The following TMEM94 variants were observed in gnomAD, a reference collection of about 807,000 sequenced individuals.
TMEM94 encodes transmembrane protein 94.
TMEM94 carries 81 observed loss-of-function variants against 158.6 expected under a neutral mutation model. The ratio of observed to expected loss-of-function variants is 0.51; its 90% CI spans 0.43 to 0.61. The LOEUF (loss-of-function observed/expected upper bound fraction) is 0.61, where lower values mean the gene tolerates loss of function less well. Among genes scored for constraint, TMEM94 ranks in the 20% least tolerant of loss-of-function variants. TMEM94 has a pLI of 0.00. For synonymous variants in TMEM94, 751 were observed against 730.7 expected (o/e 1.03, Z -0.45); for missense variants, 1,435 against 1,762.0 (o/e 0.81, Z 3.32).
At chr17:75,459,092 A>C (rs2049987547) in intron 1 of TMEM94, among the ~76,000 whole-genome samples, 1 of 149,168 alleles carries the variant, frequency 6.7e-6, no homozygotes, top group Non-Finnish European at 1.5e-5. Flanking sequence ...AAACAAATAA[A>C]ATGTAGACTA....
intron 2 of TMEM94, among the ~76,000 whole-genome samples, chr17:75,483,379 A>G (rs576088437): frequency 6.6e-6 from 1 of 151,732 alleles, no homozygotes; most frequent in African/African-American, 2.4e-5. Flanking sequence ...AATGTTCTAG[A>G]GGTGATTGGG....
At chr17:75,482,970 G>A (rs1233568707) in intron 2 of TMEM94, among the ~76,000 whole-genome samples, 1 of 152,186 alleles carries the variant, frequency 6.6e-6, no homozygotes, top group African/African-American at 2.4e-5. Context: ...TGCAGGCCAG[G>A]TTGCCCAGGA....
In TMEM94 at chr17:75,488,045, G is replaced by A; in HGVS notation, c.523G>A (p.Val175Ile). Residue 175 changes from valine (V) to isoleucine (I), a missense_variant, in exon 6 of 32, where the codon GTC becomes ATC. Val to Ile is a conservative substitution (Grantham distance 29). Transcript: ENST00000314256. ...CTGGGCCTACAGAGACGGACACCTG[G>A]TCAACCTGCCAGTCAGCCTGCTGGT... is the stretch of plus-strand genomic sequence containing the variant. ...LHWAYRDGHLVNLPVSLLVEG... is the reference protein window; with the variant it reads ...LHWAYRDGHLINLPVSLLVEG... The A allele has an allele frequency of 3.7e-6, 6 of 1,614,176 alleles. No individual in the cohort carries two copies. Among genetic ancestry groups the A allele is most frequent in the South Asian group, 1.1e-5 (1 of 91,086 alleles).
chr17:75,488,756 C>T lies in TMEM94; in HGVS notation c.613-3C>T, dbSNP rs2051858685. On this transcript the variant is annotated splice_region_variant and splice_polypyrimidine_tract_variant and intron_variant, in intron 6 of 31. Coordinates refer to ENST00000314256, the MANE Select transcript of TMEM94 (RefSeq NM_014738.6). ...TTCCCACTCTCCCACTTGCTGCCGGCAGGATGACGAGCACATCGTCCTGGA... is the reference window on the plus strand; with the variant it reads ...TTCCCACTCTCCCACTTGCTGCCGGTAGGATGACGAGCACATCGTCCTGGA... The T allele has an allele frequency of 6.2e-7, 1 of 1,613,736 alleles. No individual in the cohort carries two copies. Among genetic ancestry groups the T allele is most frequent in the East Asian group, 2.2e-5 (1 of 44,888 alleles).
At chr17:75,465,323 GTTTTAAT>G (rs764319385) in intron 1 of TMEM94, among the ~76,000 whole-genome samples, 13 of 151,482 alleles carry the variant, frequency 8.6e-5, no homozygotes, top group Admixed American at 2.6e-4. Context: ...TCTCATTGTG[GTTTTAAT>G]TTTTGTTTCC....
At position 75,489,291 on chromosome 17, in the gene TMEM94, C is replaced by T. The variant is rs191852169; in HGVS notation, c.790C>T (p.Arg264Ter). The T allele has an allele frequency of 2.5e-6, 4 of 1,614,198 alleles. No homozygotes were observed. Among genetic ancestry groups the T allele is most frequent in the South Asian group, 1.1e-5 (1 of 91,086 alleles). The change falls in exon 8 of 32, where the codon CGA becomes TGA. Residue 264 changes from arginine (R) to a stop codon, truncating the protein, a stop_gained. Coordinates refer to ENST00000314256, the MANE Select transcript of TMEM94 (RefSeq NM_014738.6). LOFTEE classifies it high-confidence loss of function. This position sits in a 1 kb window ranked among gnomAD's most constrained non-coding sequence, Gnocchi z 5.0. Reference sequence around the variant, plus strand: ...ATGGTGCCTGGACATGGCCCTGTCCCGACCAGTCACTGCCCTGGACAATGA... The same window carrying T: ...ATGGTGCCTGGACATGGCCCTGTCCTGACCAGTCACTGCCCTGGACAATGA... ...IRWCLDMALS[R>*]PVTALDNERF...
intron 16 of TMEM94, 55 bp downstream of exon 16, chr17:75,493,157 G>C (rs2052369858): frequency 1.3e-6 from 2 of 1,559,350 alleles, no homozygotes; most frequent in South Asian, 2.3e-5. Context: ...AGCTTGGCAG[G>C]GGGGCTCTGC....
At position 75,498,437 on chromosome 17, in the gene TMEM94, T is replaced by C; in HGVS notation, c.3639-7T>C. On this transcript the variant is annotated splice_polypyrimidine_tract_variant and splice_region_variant and intron_variant, in intron 28 of 31. Transcript: ENST00000314256. The surrounding 1 kb of genome is among the most constrained non-coding windows in gnomAD (Gnocchi z 6.7). The stretch of plus-strand genomic sequence containing the variant: ...AGAGGGGCTGAGCCCATGCCTCACT[T>C]TGGCAGCAACGACGACAGGGCTCCA... 1 of 1,590,278 alleles carries C rather than the reference T, an allele frequency of 6.3e-7. No homozygotes were observed. The highest frequency in any genetic ancestry group is 8.6e-7 in the Non-Finnish European group (1 of 1,165,994).
At chr17:75,465,584 A>G (rs1166657318) in intron 1 of TMEM94, among the ~76,000 whole-genome samples, 4 of 148,642 alleles carry the variant, frequency 2.7e-5, no homozygotes, top group Admixed American at 6.7e-5. Flanking sequence ...GTGTGTGCCA[A>G]CATGCCTGGC....
intron 27 of TMEM94, 57 bp downstream of exon 27, chr17:75,497,919 G>T: frequency 6.6e-7 from 1 of 1,507,890 alleles, no homozygotes; most frequent in Admixed American, 1.7e-5. Flanking sequence ...ACTGAGGATT[G>T]GGGGAGGAGA....
rs117701147 is a variant in TMEM94, at chr17:75,463,379, C to A, written c.-107+6628C>A. Among the ~76,000 whole-genome samples, 3 of 151,582 alleles carry A rather than the reference C, an allele frequency of 2.0e-5. No homozygotes were observed. The South Asian group carries it at 6.2e-4, about 32-fold the overall frequency. The stretch of plus-strand genomic sequence containing the variant: ...TGTTTTTAGGGTACTGGCTAAGCAT[C>A]TTCAGTTCATTCTGCCATTTCTCAC... On this transcript the variant is annotated intron_variant, in intron 1 of 31. Transcript: ENST00000314256.
At chr17:75,462,329 C>T (rs2050107436) in intron 1 of TMEM94, among the ~76,000 whole-genome samples, 1 of 152,076 alleles carries the variant, frequency 6.6e-6, no homozygotes, top group Non-Finnish European at 1.5e-5. Context: ...GCGTGAGCCA[C>T]TGCGCCTGGC....
rs777276790 is a variant in TMEM94 at position 75,493,485 on chromosome 17, C to T, written c.2087-6C>T. ...CGACACTCAGGGTTTGAACTCTCTC[C>T]CCCAGGCACAGAGCAGATGCTGTCC... On this transcript the variant is annotated splice_polypyrimidine_tract_variant and splice_region_variant and intron_variant, in intron 16 of 31. Coordinates refer to ENST00000314256, the MANE Select transcript of TMEM94 (RefSeq NM_014738.6). The T allele has an allele frequency of 7.4e-6, 12 of 1,613,302 alleles. No homozygotes were observed. Among genetic ancestry groups the T allele is most frequent in the Admixed American group, 6.7e-5 (4 of 60,000 alleles).
Position 75,487,866 on chromosome 17 carries a change from G to A in TMEM94, c.410-66G>A, listed in dbSNP as rs968853202. On this transcript the variant is annotated intron_variant, in intron 5 of 31. Coordinates refer to ENST00000314256, the MANE Select transcript of TMEM94 (RefSeq NM_014738.6). The surrounding 1 kb of genome is among the most constrained non-coding windows in gnomAD (Gnocchi z 4.6). ...GGCAGACAGTGCTTCCGGAAGTGCT[G>A]CTGTATCTGACTGGGGGGCAGGGCC... 1 of 1,366,696 alleles carries A rather than the reference G, an allele frequency of 7.3e-7. No homozygotes were observed. The highest frequency in any genetic ancestry group is 1.7e-5 in the Admixed American group (1 of 57,866). The allele number at this position is 1,366,696 out of a possible 1,614,324, so 84.7% of individuals were successfully genotyped here.
Position 75,492,430 on chromosome 17 carries a change from C to A in TMEM94, c.1597-44C>A, listed in dbSNP as rs777743490. On this transcript the variant is annotated intron_variant, in intron 14 of 31. Transcript: ENST00000314256. The surrounding 1 kb of genome is among the most constrained non-coding windows in gnomAD (Gnocchi z 4.4). ...TGGGCAGAGCCAGTGCTGGCTTCCC[C>A]ACACCCTATCCCGGGCTGAGGCTCT... 1.3e-6 allele frequency: 2 copies of A among 1,539,662 alleles called. No individual in the cohort carries two copies. Among genetic ancestry groups the A allele is most frequent in the Non-Finnish European group, 8.8e-7 (1 of 1,140,368 alleles).
In TMEM94 at chr17:75,495,991, G is replaced by A. The variant is rs1275614472; in HGVS notation, c.2970G>A (p.Met990Ile). Residue 990 changes from methionine (M) to isoleucine (I), a missense_variant, in exon 23 of 32, where the codon ATG becomes ATA. Physicochemically the swap from Met to Ile is conservative, Grantham distance 10 (BLOSUM62 1). Coordinates refer to ENST00000314256, the MANE Select transcript of TMEM94 (RefSeq NM_014738.6). This position sits in a 1 kb window ranked among gnomAD's most constrained non-coding sequence, Gnocchi z 5.6. ...CCATGTGTGAGATGATAAAGATCAT[G>A]CAAGAGTACGGGGAGGTGACCTGCT... ...PETMCEMIKI[M>I]QEYGEVTCCL... is the part of the protein sequence containing the mutation. The A allele has an allele frequency of 1.2e-6, 2 of 1,613,450 alleles. No homozygotes were observed. The highest frequency in any genetic ancestry group is 4.5e-5 in the East Asian group (2 of 44,878).
intron 1 of TMEM94, among the ~76,000 whole-genome samples, chr17:75,460,992 A>G (rs1598296051): frequency 7.2e-6 from 1 of 139,004 alleles, no homozygotes; most frequent in Non-Finnish European, 1.5e-5. Flanking sequence ...CCCTGCTCCC[A>G]CCCCCGGCAA....
intron 1 of TMEM94, among the ~76,000 whole-genome samples, chr17:75,466,152 A>C (rs188381451): frequency 1.6e-4 from 24 of 152,304 alleles, no homozygotes; most frequent in African/African-American, 5.3e-4. Context: ...CAAGTTATAA[A>C]GATTCCTGCC....
rs372944572 is a variant in TMEM94, at chr17:75,498,158, T to A, written c.3490-17T>A. The A allele has an allele frequency of 3.7e-6, 6 of 1,613,368 alleles. No individual in the cohort carries two copies. In the African/African-American group the frequency reaches 8.0e-5, roughly 22 times the overall value. On this transcript the variant is annotated splice_polypyrimidine_tract_variant and intron_variant, in intron 27 of 31. Coordinates refer to ENST00000314256, the MANE Select transcript of TMEM94 (RefSeq NM_014738.6). This position sits in a 1 kb window ranked among gnomAD's most constrained non-coding sequence, Gnocchi z 6.7. ...AGGGGCTGTGCGCCCCAGGAGTGAC[T>A]GGCCTTGTTCCCGCAGACCCAGCAC...
Sources: gnomAD v4.1 joint callset for allele counts (sites outside exome capture counted in the v4.1 genomes callset) on GRCh38, gnomAD v4.1.1 for gene constraint, Gnocchi (gnomAD v3.1) non-coding constraint, MANE v1.5 for transcripts, NCBI Gene and HGNC (gene_info 2026-07-23, HGNC 2026-07-21) for gene names.